Variants in MALRD1 observed in about 807,000 individuals in gnomAD.
MALRD1 encodes MAM and LDL-receptor class A domain-containing protein 1.
MALRD1 carries 247 observed loss-of-function variants against 242.1 expected under a neutral mutation model. That is an observed-to-expected ratio of 1.02 (90% CI 0.92 to 1.13). The LOEUF is 1.13. Among genes scored for constraint, MALRD1 ranks in the 50% most tolerant of loss-of-function variants. The probability of loss-of-function intolerance (pLI) is 0.00; values close to 1 mark genes in which losing one functional copy is unlikely to be tolerated. For synonymous variants in MALRD1, 995 were observed against 866.6 expected (o/e 1.15, Z -2.60); for missense variants, 2,989 against 2,533.1 (o/e 1.18, Z -3.86).
At chr10:19,088,585 ATTTATTTT>A (rs1469059405) in intron 4 of MALRD1, among the ~76,000 whole-genome samples, 21 of 75,448 alleles carry the variant, frequency 2.8e-4, no homozygotes, top group African/African-American at 1.2e-3. Flanking sequence ...TTATTTATTT[ATTTATTTT>A]TTTTTATTAT....
chr10:19,530,372 T>TATATATATATATAA (rs1834312965), intron 31 of MALRD1, among the ~76,000 whole-genome samples: 2 of 97,650 alleles, frequency 2.0e-5, no homozygotes, highest in African/African-American at 1.2e-4. Context: ...TATAAATATT[T>TATATATATATATAA]ATATAAATAT....
chr10:19,241,386 A>G (rs1432257099), intron 18 of MALRD1, among the ~76,000 whole-genome samples: 3 of 152,000 alleles, frequency 2.0e-5, no homozygotes, highest in Non-Finnish European at 1.5e-5. Flanking sequence ...ATGTCTTACA[A>G]TCCCTTATAT....
chr10:19,681,463 C>T (rs530363270), intron 36 of MALRD1, among the ~76,000 whole-genome samples: 3 of 152,086 alleles, frequency 2.0e-5, no homozygotes, highest in Non-Finnish European at 2.9e-5. Flanking sequence ...TTGATATTTG[C>T]GATTGCATTG....
At position 19,646,754 on chromosome 10, in the gene MALRD1, A is replaced by G. The variant is rs560738275; in HGVS notation, c.6137+30831A>G. Reference sequence around the variant, plus strand: ...TCTGGCAAATGTGTGCTTTAAAAAAATATATATAATGCTAATGATAATCCT... The same window carrying G: ...TCTGGCAAATGTGTGCTTTAAAAAAGTATATATAATGCTAATGATAATCCT... On this transcript the variant is annotated intron_variant, in intron 36 of 39. Coordinates refer to ENST00000454679, the MANE Select transcript of MALRD1 (RefSeq NM_001142308.3). Among the ~76,000 whole-genome samples, 42 of 152,328 alleles carry G rather than the reference A, an allele frequency of 2.8e-4. No homozygotes were observed. In the South Asian group the frequency reaches 7.7e-3, roughly 28 times the overall value.
At chr10:19,193,387 C>G (rs1203344354) in intron 14 of MALRD1, among the ~76,000 whole-genome samples, 1 of 152,060 alleles carries the variant, frequency 6.6e-6, no homozygotes, top group Non-Finnish European at 1.5e-5. Context: ...AAAACCTCAT[C>G]TCTACAAAAA....
chr10:19,568,043 T>C (rs1396297003), intron 33 of MALRD1, among the ~76,000 whole-genome samples: 2 of 152,166 alleles, frequency 1.3e-5, no homozygotes, highest in Non-Finnish European at 2.9e-5. Context: ...ACCTATTATC[T>C]TCCAGACTGT....
chr10:19,547,993 CTTTTTTTTTTT>C (rs765509925), intron 32 of MALRD1, among the ~76,000 whole-genome samples: 2 of 65,764 alleles, frequency 3.0e-5, no homozygotes, highest in Non-Finnish European at 5.3e-5. Context: ...TATCACTATA[CTTTTTTTTTTT>C]TTTTTTTTTT....
intron 2 of MALRD1, among the ~76,000 whole-genome samples, chr10:19,085,485 C>T (rs906972573): frequency 2.0e-5 from 3 of 151,798 alleles, no homozygotes; most frequent in Admixed American, 6.6e-5. Context: ...ATTTTTTCCC[C>T]ATACAAAGAA....
intron 2 of MALRD1, among the ~76,000 whole-genome samples, chr10:19,071,122 A>T (rs962292579): frequency 2.0e-5 from 3 of 152,078 alleles, no homozygotes; most frequent in Admixed American, 6.6e-5. Context: ...AAGTGGTGGG[A>T]TTATAGGCGT....
intron 36 of MALRD1, among the ~76,000 whole-genome samples, chr10:19,685,836 C>A (rs1424922710): frequency 6.6e-6 from 1 of 152,114 alleles, no homozygotes; most frequent in East Asian, 1.9e-4. Flanking sequence ...AGAATTCTTA[C>A]TGGACAAACT....
At chr10:19,503,114 A>C (rs1838050464) in intron 31 of MALRD1, among the ~76,000 whole-genome samples, 1 of 152,178 alleles carries the variant, frequency 6.6e-6, no homozygotes, top group African/African-American at 2.4e-5. Context: ...TCACTACTTG[A>C]GACAGTATAT....
At chr10:19,335,193 T>TA (rs34801254) in intron 24 of MALRD1, among the ~76,000 whole-genome samples, 1 of 20,598 alleles carries the variant, frequency 4.9e-5, no homozygotes, top group East Asian at 8.6e-4. Flanking sequence ...TTTTTTTTTG[T>TA]TTTTTTTTTT....
intron 14 of MALRD1, among the ~76,000 whole-genome samples, chr10:19,198,913 A>G (rs1836386941): frequency 6.6e-6 from 1 of 152,194 alleles, no homozygotes; most frequent in African/African-American, 2.4e-5. Context: ...TGAAGTCTAG[A>G]GTTTAATTGC....
intron 31 of MALRD1, among the ~76,000 whole-genome samples, chr10:19,501,920 T>G (rs966967714): frequency 3.3e-5 from 5 of 150,062 alleles, no homozygotes; most frequent in Non-Finnish European, 5.9e-5. Flanking sequence ...TCCCCACTAC[T>G]CGGGAGGCTG....
chr10:19,304,193 C>G (rs1207221620), intron 21 of MALRD1, among the ~76,000 whole-genome samples: 1 of 151,740 alleles, frequency 6.6e-6, no homozygotes, highest in Non-Finnish European at 1.5e-5. Flanking sequence ...CGAGCAGCCA[C>G]TCAGATTCCC....
chr10:19,218,634 T>C (rs944660164), intron 18 of MALRD1, among the ~76,000 whole-genome samples: 1 of 152,130 alleles, frequency 6.6e-6, no homozygotes, highest in Non-Finnish European at 1.5e-5. Flanking sequence ...AGTTATTTGG[T>C]CTAACCCATT....
intron 36 of MALRD1, among the ~76,000 whole-genome samples, chr10:19,653,867 T>C (rs1841007062): frequency 6.6e-6 from 1 of 152,192 alleles, no homozygotes; most frequent in African/African-American, 2.4e-5. Context: ...GAGACTATGA[T>C]GGAGAGCTAA....
intron 36 of MALRD1, among the ~76,000 whole-genome samples, chr10:19,628,684 T>C (rs921949444): frequency 3.2e-4 from 48 of 152,298 alleles, no homozygotes; most frequent in African/African-American, 1.1e-3. Context: ...TTTTGCATTT[T>C]TATTTTACCA....
chr10:19,078,905 A>AT (rs1835399768), intron 2 of MALRD1, among the ~76,000 whole-genome samples: 1 of 150,886 alleles, frequency 6.6e-6, no homozygotes, highest in African/African-American at 2.4e-5. Flanking sequence ...TTTTAATTTT[A>AT]TTTTTTCTTG....
Sources: allele counts gnomAD v4.1 joint callset (sites outside exome capture counted in the v4.1 genomes callset), GRCh38; gene constraint gnomAD v4.1.1; transcripts MANE v1.5; gene names NCBI Gene and HGNC (gene_info 2026-07-23, HGNC 2026-07-21).